Variants in PAXIP1 observed in about 807,000 individuals in gnomAD.
PAXIP1 encodes the protein PAX-interacting protein 1.
In PAXIP1, 19 loss-of-function variants were observed where a neutral mutation model predicts 140.6. The observed-to-expected ratio is 0.14, with a 90% CI of 0.09 to 0.20. PAXIP1 has a LOEUF of 0.20. Ranked by LOEUF, PAXIP1 falls within the 10% of genes least tolerant of loss-of-function variation. The pLI, the probability that PAXIP1 is intolerant of heterozygous loss-of-function variation, is 1.00. For missense variants in PAXIP1, 920 were observed against 1,208.6 expected (o/e 0.76, Z 3.54); for synonymous variants, 442 against 444.6 (o/e 0.99, Z 0.07).
chr7:154,965,422 T>A (rs1010739951), intron 8 of PAXIP1: 2 of 152,284 alleles, frequency 1.3e-5, no homozygotes, highest in African/African-American at 4.8e-5. Context: ...GGTTTTGAGA[T>A]AATCTGTTAC....
rs745783348 is a variant in PAXIP1, at chr7:154,944,136, A to G, written c.*13T>C. 16 of 1,612,226 alleles carry G rather than the reference A, an allele frequency of 9.9e-6. No homozygotes were observed. Among genetic ancestry groups the G allele is most frequent in the African/African-American group, 1.3e-5 (1 of 75,032 alleles). On this transcript the variant is annotated 3_prime_UTR_variant, in exon 21 of 21. Coordinates refer to ENST00000404141, the MANE Select transcript of PAXIP1 (RefSeq NM_007349.4). ...CACCGCAGGAGTCGACATGCACGGC[A>G]GCCTAGACGCCATCAGTTAAACTTA...
chr7:154,959,766 G>C (rs1260248199), intron 13 of PAXIP1, 124 bp downstream of exon 13: 9 of 691,094 alleles, frequency 1.3e-5, no homozygotes, highest in Non-Finnish European at 2.3e-5. Context: ...ATTTACTGGA[G>C]TAGATAATTC....
chr7:154,997,746 T>C (rs1005025285), intron 2 of PAXIP1, among the ~76,000 whole-genome samples: 1 of 152,176 alleles, frequency 6.6e-6, no homozygotes, highest in Non-Finnish European at 1.5e-5. Flanking sequence ...TACCCATAGG[T>C]CAAGTTGGAT....
At position 154,946,351 on chromosome 7, in the gene PAXIP1, T is replaced by C; in HGVS notation, c.3194+14A>G. ...TAACCCGTCTACTTTTTAATTCTCT[T>C]TTGGAAAGGATATGATTCATAGTCC... On this transcript the variant is annotated intron_variant, in intron 20 of 20. Transcript: ENST00000404141. This position sits in a 1 kb window ranked among gnomAD's most constrained non-coding sequence, Gnocchi z 4.9. The C allele has an allele frequency of 6.2e-7, 1 of 1,613,896 alleles. No individual in the cohort carries two copies. Among genetic ancestry groups the C allele is most frequent in the South Asian group, 1.1e-5 (1 of 91,080 alleles).
At position 154,995,647 on chromosome 7, in the gene PAXIP1, C is replaced by G. The variant is rs306280; in HGVS notation, c.217-1878G>C. On this transcript the variant is annotated intron_variant, in intron 2 of 20. Transcript: ENST00000404141. ...GGCGGATCACTTGAGGTGACAGGTT[C>G]GAGACCAGCCTGGCCAACATGGTGA... 1.5e-3 allele frequency among the ~76,000 whole-genome samples: 229 copies of G among 152,324 alleles called. 5 individuals are homozygous for G. Among genetic ancestry groups the G allele is most frequent in the African/African-American group, 5.2e-3 (215 of 41,558 alleles).
chr7:154,962,608 T>G, intron 9 of PAXIP1, 150 bp from the exon 10 acceptor site: 1 of 609,478 alleles, frequency 1.6e-6, no homozygotes, highest in Non-Finnish European at 2.8e-6. Flanking sequence ...AAGTAACGAA[T>G]TAAAACCGTG....
At chr7:154,951,497 T>C (rs2150741577) in intron 16 of PAXIP1, 1 of 152,318 alleles carries the variant, frequency 6.6e-6, no homozygotes, top group Admixed American at 6.5e-5. Flanking sequence ...TAAAAAACAA[T>C]AATTATAAAC....
rs201854833 is a variant in PAXIP1 at position 154,968,630 on chromosome 7, A to G, written c.1571T>C (p.Leu524Pro). 3.2e-4 allele frequency: 225 copies of G among 711,944 alleles called. No individual in the cohort carries two copies. The highest frequency in any genetic ancestry group is 2.5e-3 in the African/African-American group (141 of 56,286). The allele number at this position is 711,944 out of a possible 1,614,324, so 44.1% of individuals were successfully genotyped here. ...LAQLQQQHSL[L>P]QQQQQQQIQQ... ...AATCTGCTGTTGCTGCTGCTGCTGG[A>G]GCAGGCTGTGCTGCTGCTGGAGCTG... is the stretch of plus-strand genomic sequence containing the variant. Residue 524 changes from leucine to proline, a missense_variant, in exon 7 of 21, where the codon CTC becomes CCC. Physicochemically the swap from Leu to Pro is moderately conservative, Grantham distance 98. Around this residue, in one of 5 missense-constraint regions of PAXIP1, gnomAD observed 133 missense variants for 88.4 expected, o/e 1.50. Coordinates refer to ENST00000404141, the MANE Select transcript of PAXIP1 (RefSeq NM_007349.4).
Position 155,002,936 on chromosome 7 carries a change from G to C in PAXIP1, c.-7C>G, listed in dbSNP as rs1810999298. 4 of 1,293,814 alleles carry C rather than the reference G, an allele frequency of 3.1e-6. No homozygotes were observed. The highest frequency in any genetic ancestry group is 2.3e-5 in the Admixed American group (1 of 43,284). The allele number at this position is 1,293,814 out of a possible 1,614,324, so 80.1% of individuals were successfully genotyped here. ...TGGGCGCCTGGTCCGACATGATCGCGGCGGCCCGGGAGGCTCCGCGGCGGC... is the reference window on the plus strand; with the variant it reads ...TGGGCGCCTGGTCCGACATGATCGCCGCGGCCCGGGAGGCTCCGCGGCGGC... On this transcript the variant is annotated 5_prime_UTR_variant, in exon 1 of 21. Transcript: ENST00000404141.
intron 4 of PAXIP1, among the ~76,000 whole-genome samples, chr7:154,984,047 C>T (rs1809959287): frequency 6.6e-6 from 1 of 152,116 alleles, no homozygotes; most frequent in Non-Finnish European, 1.5e-5. Context: ...TACAGCTAAC[C>T]CTTCCAACCG....
chr7:154,984,485 A>T (rs1391011321), intron 4 of PAXIP1, among the ~76,000 whole-genome samples: 1 of 152,240 alleles, frequency 6.6e-6, no homozygotes, highest in Non-Finnish European at 1.5e-5. Context: ...CTTGCCAATA[A>T]TCTAGCATTG....
At chr7:154,966,099 TA>T (rs2150754794) in intron 8 of PAXIP1, among the ~76,000 whole-genome samples, 1 of 152,350 alleles carries the variant, frequency 6.6e-6, no homozygotes, top group South Asian at 2.1e-4. Flanking sequence ...AGTGGCTTCC[TA>T]AGAAAGAATA....
Position 154,955,548 on chromosome 7 carries a change from T to C in PAXIP1, c.2633A>G (p.Gln878Arg), listed in dbSNP as rs1194264628. The C allele has an allele frequency of 6.2e-7, 1 of 1,609,650 alleles. No homozygotes were observed. Among genetic ancestry groups the C allele is most frequent in the Admixed American group, 1.7e-5 (1 of 59,436 alleles). ...FVLFTGFEPVQVQQYIKKLYI... is the reference protein window; with the variant it reads ...FVLFTGFEPVRVQQYIKKLYI... ...TTTCACCTTAATATACTGTTGAACC[T>C]GGACAGGCTCGAATCCAGTGAAAAG... The change falls in exon 15 of 21, where the codon CAG (glutamine) becomes CGG (arginine). Residue 878 changes from glutamine to arginine, a missense_variant. Around this residue, in one of 5 missense-constraint regions of PAXIP1, gnomAD observed 303 missense variants for 517.9 expected, o/e 0.59. Coordinates refer to ENST00000404141, the MANE Select transcript of PAXIP1 (RefSeq NM_007349.4).
chr7:154,953,925 A>G (rs1306781991), intron 16 of PAXIP1, among the ~76,000 whole-genome samples: 2 of 152,186 alleles, frequency 1.3e-5, no homozygotes, highest in Non-Finnish European at 2.9e-5. Flanking sequence ...CTTTCCAAAT[A>G]AAGAAAAAAA....
chr7:154,992,126 T>C (rs1384034773), intron 3 of PAXIP1, among the ~76,000 whole-genome samples: 2 of 152,182 alleles, frequency 1.3e-5, no homozygotes, highest in Admixed American at 6.5e-5. Flanking sequence ...GTGCACTGTC[T>C]ACCAGTGAGT....
intron 8 of PAXIP1, among the ~76,000 whole-genome samples, chr7:154,966,680 C>A (rs1300814553): frequency 2.6e-5 from 4 of 152,216 alleles, no homozygotes; most frequent in Non-Finnish European, 5.9e-5. Context: ...TCCCTTCCTT[C>A]CTCACCCTGG....
At chr7:154,984,892 C>T (rs1810000495) in intron 4 of PAXIP1, among the ~76,000 whole-genome samples, 1 of 152,098 alleles carries the variant, frequency 6.6e-6, no homozygotes, top group African/African-American at 2.4e-5. Flanking sequence ...TAGTCCTATA[C>T]CCTATTTGGC....
chr7:154,958,122 G>A (rs949054583), intron 13 of PAXIP1, among the ~76,000 whole-genome samples: 32 of 152,198 alleles, frequency 2.1e-4, no homozygotes, highest in African/African-American at 7.0e-4. Flanking sequence ...CCAACAGCCA[G>A]ACAAGGTACC....
At chr7:154,969,751 C>G (rs1023171728) in intron 6 of PAXIP1, among the ~76,000 whole-genome samples, 2 of 152,198 alleles carry the variant, frequency 1.3e-5, no homozygotes, top group Admixed American at 6.5e-5. Context: ...GCTCCACTGT[C>G]AACTTGCTAT....
Sources: allele counts gnomAD v4.1 joint callset (sites outside exome capture counted in the v4.1 genomes callset), GRCh38; gene constraint gnomAD v4.1.1; regional missense constraint gnomAD v4.1.1; non-coding constraint Gnocchi (gnomAD v3.1); transcripts MANE v1.5; gene names NCBI Gene and HGNC (gene_info 2026-07-23, HGNC 2026-07-21).